ITGA2: variants seen among roughly 807,000 people sequenced by gnomAD.
ITGA2 encodes integrin subunit alpha 2, also known as integrin alpha-2.
ITGA2 carries 101 observed loss-of-function variants against 146.3 expected under a neutral mutation model. That is an observed-to-expected ratio of 0.69 (90% CI 0.59 to 0.81). The LOEUF is 0.81. ITGA2 is among the 40% of genes least tolerant of loss of function. The pLI is 0.00. For missense variants in ITGA2, 1,281 were observed against 1,402.7 expected, an observed-to-expected ratio of 0.91 and a Z score of 1.39; for synonymous variants, 477 against 487.1, an observed-to-expected ratio of 0.98 and a Z score of 0.27.
rs1745412426 is a variant in ITGA2 at position 53,071,847 on chromosome 5, A to G, written c.2236-91A>G. ...GCTGACTGTGCTCTAAATTGTAAAC[A>G]CATTTGGAATCATTTTCTTGTTTTA... is the stretch of plus-strand genomic sequence containing the variant. On this transcript the variant is annotated intron_variant, in intron 17 of 29. Coordinates refer to ENST00000296585, the MANE Select transcript of ITGA2 (RefSeq NM_002203.4). 1.0e-5 allele frequency: 9 copies of G among 879,672 alleles called. No individual in the cohort carries two copies. The Admixed American group carries it at 1.5e-4, about 15-fold the overall frequency. 54.5% of individuals were successfully genotyped at this position (879,672 alleles called of 1,614,324 possible).
chr5:53,005,060 T>C (rs10072839), intron 1 of ITGA2, among the ~76,000 whole-genome samples: 1,852 of 152,038 alleles, frequency 0.012, 40 homozygotes, highest in African/African-American at 0.042. Flanking sequence ...TATGATCATT[T>C]CCCGTTGCCA....
chr5:53,014,874 T>G (rs1229302753), intron 1 of ITGA2, among the ~76,000 whole-genome samples: 1 of 152,166 alleles, frequency 6.6e-6, no homozygotes, highest in Non-Finnish European at 1.5e-5. Flanking sequence ...GTTTTCTAAT[T>G]TGTGTGCATA....
chr5:53,043,580 A>G (rs1324028478), intron 3 of ITGA2, among the ~76,000 whole-genome samples: 1 of 152,012 alleles, frequency 6.6e-6, no homozygotes. Context: ...GTGAATGTAC[A>G]AGGAGTGAAA....
chr5:53,089,642 A>C (rs1740317728), intron 28 of ITGA2, among the ~76,000 whole-genome samples: 1 of 152,226 alleles, frequency 6.6e-6, no homozygotes, highest in African/African-American at 2.4e-5. Flanking sequence ...GTATGCCAGA[A>C]ATGGAAGTTT....
chr5:53,050,094 C>G (rs1010400923), intron 6 of ITGA2, among the ~76,000 whole-genome samples: 4 of 152,126 alleles, frequency 2.6e-5, no homozygotes, highest in African/African-American at 9.7e-5. Flanking sequence ...CTTAAAGCCC[C>G]TTATAAGTTT....
Position 53,070,093 on chromosome 5 carries a change from A to ATTT in ITGA2, c.2084-10_2084-8dup, listed in dbSNP as rs3212565. On this transcript the variant is annotated splice_polypyrimidine_tract_variant and intron_variant, in intron 16 of 29. Coordinates refer to ENST00000296585, the MANE Select transcript of ITGA2 (RefSeq NM_002203.4). ...TGATTTGAAATAACATTTCTTTATG[A>ATTT]TTTTTTTTATCATAGCCATTGTATA... 4.6e-5 allele frequency: 73 copies of ATTT among 1,597,434 alleles called. No individual in the cohort carries two copies. The highest frequency in any genetic ancestry group is 1.1e-4 in the African/African-American group (8 of 74,098).
chr5:53,027,243 C>G (rs1742993214), intron 2 of ITGA2, among the ~76,000 whole-genome samples: 4 of 152,202 alleles, frequency 2.6e-5, no homozygotes, highest in Admixed American at 2.6e-4. Flanking sequence ...AATGCTATCT[C>G]TGGACCATTT....
At chr5:53,034,407 CA>C (rs34063396) in intron 2 of ITGA2, among the ~76,000 whole-genome samples, 5,856 of 143,400 alleles carry the variant, frequency 0.041, 155 homozygotes, top group East Asian at 0.1. Flanking sequence ...GACTCCAACT[CA>C]AAAAAAAAAA....
intron 17 of ITGA2, among the ~76,000 whole-genome samples, chr5:53,071,498 C>T (rs1012824535): frequency 2.0e-5 from 3 of 151,908 alleles, no homozygotes; most frequent in African/African-American, 7.2e-5. Context: ...GACAGGCCCC[C>T]AGAAGGAATA....
rs527557662 is a variant in ITGA2, at chr5:53,018,801, G to A, written c.65-7947G>A. On this transcript the variant is annotated intron_variant, in intron 1 of 29. Coordinates refer to ENST00000296585, the MANE Select transcript of ITGA2 (RefSeq NM_002203.4). ...TTTTAGGCTGGGCACGGTGGCTCAC[G>A]CCTGTAAATTCCAGCACTTTGGGAG... Among the ~76,000 whole-genome samples the A allele has an allele frequency of 3.3e-5, 5 of 152,228 alleles. No homozygotes were observed. The South Asian group carries it at 1.0e-3, about 32-fold the overall frequency.
At chr5:53,038,207 T>TAAA (rs34975562) in intron 2 of ITGA2, among the ~76,000 whole-genome samples, 30,026 of 144,038 alleles carry the variant, frequency 0.21, 3,114 homozygotes, top group Admixed American at 0.26. Context: ...GAGGCTCTGA[T>TAAA]AAAAAAAAAA....
chr5:53,071,774 AGC>A (rs1745407396), intron 17 of ITGA2, among the ~76,000 whole-genome samples, 162 bp from the exon 18 acceptor site: 1 of 151,980 alleles, frequency 6.6e-6, no homozygotes, highest in African/African-American at 2.4e-5. Context: ...GAAGAAAAGA[AGC>A]GAGAGTCTTG....
In ITGA2 at chr5:53,042,291, TCATTGTTC is replaced by T. The variant is rs1743839798; in HGVS notation, c.295+71_295+78del. ...CAACTGAAAAATAACATCAGAACAATCATTGTTCTGTCTTAAAGAAATACAGACAGCTT... is the reference window on the plus strand; with the variant it reads ...CAACTGAAAAATAACATCAGAACAATTGTCTTAAAGAAATACAGACAGCTT... On this transcript the variant is annotated intron_variant, in intron 3 of 29. Coordinates refer to ENST00000296585, the MANE Select transcript of ITGA2 (RefSeq NM_002203.4). The T allele has an allele frequency of 4.0e-6, 4 of 1,001,590 alleles. No individual in the cohort carries two copies. The African/African-American group carries it at 4.8e-5, about 12-fold the overall frequency. 62.0% of individuals were successfully genotyped at this position (1,001,590 alleles called of 1,614,324 possible).
chr5:53,090,206 T>C (rs1289878957), intron 29 of ITGA2, 144 bp downstream of exon 29: 1 of 714,598 alleles, frequency 1.4e-6, no homozygotes, highest in African/African-American at 1.8e-5. Flanking sequence ...AATTTCTTAC[T>C]CATGTCATTA....
At position 53,061,050 on chromosome 5, in the gene ITGA2, A is replaced by G; in HGVS notation, c.1458+4A>G. ...TCAGGCTCACCGAGGTGACCAGGTA[A>G]ATCTCACTGTTTAGCAGGTGAAATT... is the stretch of plus-strand genomic sequence containing the variant. On this transcript the variant is annotated splice_donor_region_variant and intron_variant, in intron 12 of 29. Coordinates refer to ENST00000296585, the MANE Select transcript of ITGA2 (RefSeq NM_002203.4). The G allele has an allele frequency of 6.2e-7, 1 of 1,611,934 alleles. No homozygotes were observed. The highest frequency in any genetic ancestry group is 8.5e-7 in the Non-Finnish European group (1 of 1,178,536).
intron 2 of ITGA2, among the ~76,000 whole-genome samples, chr5:53,030,973 A>T (rs139260726): frequency 1.1e-4 from 17 of 152,330 alleles, no homozygotes; most frequent in African/African-American, 3.4e-4. Flanking sequence ...GCCAGGATCC[A>T]GGTGAATGGG....
intron 6 of ITGA2, among the ~76,000 whole-genome samples, chr5:53,050,123 T>C (rs1018921526): frequency 6.6e-6 from 1 of 152,158 alleles, no homozygotes. Context: ...ATCTCCTTAT[T>C]TCCTCTGTTT....
chr5:53,078,823 A>T lies in ITGA2; in HGVS notation c.2877A>T (p.Ser959=), dbSNP rs773504920. 35 of 1,612,094 alleles carry T rather than the reference A, an allele frequency of 2.2e-5. No homozygotes were observed. In the African/African-American group the frequency reaches 4.4e-4, roughly 20 times the overall value. The part of the protein sequence containing the change: ...YEISSDGNVP[S]IVHSFEDVGP... The stretch of plus-strand genomic sequence containing the variant: ...TCTCTTCGGATGGGAATGTTCCTTC[A>T]ATCGTGCACAGTTTTGAAGATGTTG... The change falls in exon 24 of 30, where the codon TCA becomes TCT. Residue 959 remains serine, a synonymous_variant. Transcript: ENST00000296585.
At chr5:53,072,781 T>C in intron 19 of ITGA2, 86 bp downstream of exon 19, 1 of 1,167,510 alleles carries the variant, frequency 8.6e-7, no homozygotes, top group South Asian at 1.3e-5. Context: ...TTATAGAGTT[T>C]TTCTACAAAA....
Sources: allele counts gnomAD v4.1 joint callset (sites outside exome capture counted in the v4.1 genomes callset), GRCh38; gene constraint gnomAD v4.1.1; transcripts MANE v1.5; gene names NCBI Gene and HGNC (gene_info 2026-07-23, HGNC 2026-07-21).